CBR4: variants seen among roughly 807,000 people sequenced by gnomAD.
The protein encoded by CBR4 is carbonyl reductase 4.
CBR4 carries 22 observed loss-of-function variants against 21.0 expected under a neutral mutation model. The observed-to-expected ratio is 1.05, with a 90% CI of 0.75 to 1.50. CBR4 has a LOEUF of 1.50. Among genes scored for constraint, CBR4 ranks in the 40% most tolerant of loss-of-function variants. The pLI, the probability that CBR4 is intolerant of heterozygous loss-of-function variation, is 0.00. For synonymous variants in CBR4, 100 were observed against 104.4 expected, an observed-to-expected ratio of 0.96 and a Z score of 0.26; for missense variants, 302 against 286.3, an observed-to-expected ratio of 1.05 and a Z score of -0.40.
At position 169,007,688 on chromosome 4, in the gene CBR4, C is replaced by T; in HGVS notation, c.211G>A (p.Glu71Lys). 1 of 1,595,238 alleles carries T rather than the reference C, an allele frequency of 6.3e-7. No individual in the cohort carries two copies. Among genetic ancestry groups the T allele is most frequent in the Non-Finnish European group, 8.5e-7 (1 of 1,171,738 alleles). ...HDVQNTFEEL[E>K]KHLGRVNFLV... Reference sequence around the variant, plus strand: ...AAATTTACTCGACCTAAATGTTTCTCCAGCTCTTCAAATGTATTTTGAACA... The same window carrying T: ...AAATTTACTCGACCTAAATGTTTCTTCAGCTCTTCAAATGTATTTTGAACA... The change falls in exon 2 of 5, where the codon GAG becomes AAG. Residue 71 changes from glutamate to lysine, a missense_variant. By Grantham distance (56) the Glu-to-Lys change is moderately conservative. Transcript: ENST00000306193.
In CBR4 at chr4:168,989,088, T is replaced by C. The variant is rs1764794358; in HGVS notation, c.*1062A>G. The C allele has an allele frequency of 1.0e-6, 1 of 983,916 alleles. No homozygotes were observed. Among genetic ancestry groups the C allele is most frequent in the Non-Finnish European group, 1.2e-6 (1 of 828,620 alleles). 60.9% of individuals were successfully genotyped at this position (983,916 alleles called of 1,614,324 possible). A position where few individuals can be genotyped will look rare whatever the true frequency, so the allele number is the denominator to read the frequency against. On this transcript the variant is annotated 3_prime_UTR_variant, in exon 5 of 5. Transcript: ENST00000306193. ...TAAGACCAGTGCCTTCACTGCTTCT[T>C]GTAAAGACATTTAATTTAATGTTAT...
chr4:168,963,528 T>C (rs28666695), intron 2 of CBR4, among the ~76,000 whole-genome samples: 2,405 of 151,432 alleles, frequency 0.016, 55 homozygotes, highest in African/African-American at 0.04. Context: ...TAGAGTCCTA[T>C]GGTGTGATCT....
Position 168,989,997 on chromosome 4 carries a change from CTTTT to C in CBR4, c.*149_*152del, listed in dbSNP as rs1306401009. On this transcript the variant is annotated 3_prime_UTR_variant, in exon 5 of 5. Transcript: ENST00000306193. Reference sequence around the variant, plus strand: ...AAACCACAATTTGTCACACATTGTTCTTTTGAGACATATTTTTATAAAGACAGAA... The same window carrying C: ...AAACCACAATTTGTCACACATTGTTCGAGACATATTTTTATAAAGACAGAA... 4.8e-6 allele frequency: 6 copies of C among 1,246,930 alleles called. No individual in the cohort carries two copies. The East Asian group carries it at 2.0e-4, about 41-fold the overall frequency. The allele number at this position is 1,246,930 out of a possible 1,614,324, so 77.2% of individuals were successfully genotyped here.
chr4:169,009,850 G>A (rs1560997450), intron 1 of CBR4, 98 bp downstream of exon 1: 3 of 1,164,400 alleles, frequency 2.6e-6, no homozygotes, highest in Non-Finnish European at 2.4e-6. Context: ...AGTAACCCTA[G>A]AGCCCTAAAG....
At chr4:168,904,837 A>G (rs1757290524) in intron 2 of CBR4, among the ~76,000 whole-genome samples, 1 of 152,132 alleles carries the variant, frequency 6.6e-6, no homozygotes, top group African/African-American at 2.4e-5. Context: ...TTTTAATTAA[A>G]GTTTCTGGCC....
chr4:169,003,260 T>G (rs1323960440), intron 3 of CBR4, among the ~76,000 whole-genome samples: 1 of 152,212 alleles, frequency 6.6e-6, no homozygotes, highest in Non-Finnish European at 1.5e-5. Context: ...TCATGGCAGG[T>G]CAAAATACCA....
intron 2 of CBR4, among the ~76,000 whole-genome samples, chr4:168,977,889 C>A (rs1335716733): frequency 6.6e-6 from 1 of 150,382 alleles, no homozygotes; most frequent in African/African-American, 2.4e-5. Context: ...CATTTCTATT[C>A]TCACTATCCT....
At chr4:168,936,853 A>G (rs562678248) in intron 2 of CBR4, among the ~76,000 whole-genome samples, 15 of 152,344 alleles carry the variant, frequency 9.8e-5, no homozygotes, top group Non-Finnish European at 2.1e-4. Flanking sequence ...CCAAGTTGGA[A>G]AACACTCTTC....
chr4:169,009,898 G>A (rs752351353), intron 1 of CBR4, 50 bp downstream of exon 1: 3 of 1,540,102 alleles, frequency 1.9e-6, no homozygotes, highest in Non-Finnish European at 2.6e-6. Context: ...ATTTTCTTTA[G>A]GCGCCTGGAC....
At chr4:168,957,670 T>C (rs756700471) in intron 2 of CBR4, among the ~76,000 whole-genome samples, 2 of 152,220 alleles carry the variant, frequency 1.3e-5, no homozygotes, top group Non-Finnish European at 2.9e-5. Flanking sequence ...CTTTCTGCTA[T>C]GGTAGATTAG....
Position 168,989,356 on chromosome 4 carries a change from T to G in CBR4, c.*794A>C, listed in dbSNP as rs1764806264. The G allele has an allele frequency of 1.0e-6, 1 of 985,366 alleles. No homozygotes were observed. 61.0% of individuals were successfully genotyped at this position (985,366 alleles called of 1,614,324 possible). On this transcript the variant is annotated 3_prime_UTR_variant, in exon 5 of 5. Transcript: ENST00000306193. ...ATTAAAACCTTAAGGGCTAATCCTC[T>G]TCACTTATGAGAATTTCTCAAGAAT...
chr4:168,934,303 AAGCAAGCCAAAC>A (rs1763049961), intron 2 of CBR4, among the ~76,000 whole-genome samples: 1 of 139,330 alleles, frequency 7.2e-6, no homozygotes, highest in African/African-American at 2.5e-5. Flanking sequence ...AAAAAAAAAA[AAGCAAGCCAAAC>A]CCAAAATTAG....
intron 2 of CBR4, among the ~76,000 whole-genome samples, chr4:168,942,841 T>C (rs886777444): frequency 6.6e-6 from 1 of 151,892 alleles, no homozygotes; most frequent in Non-Finnish European, 1.5e-5. Context: ...AAAGAAGACA[T>C]AGAAATGACC....
chr4:168,993,279 A>C (rs1962681), intron 4 of CBR4, among the ~76,000 whole-genome samples: 104,501 of 150,202 alleles, frequency 0.7, 37,697 homozygotes, highest in East Asian at 0.96. Flanking sequence ...GGTGCGATCT[A>C]GGCTCACCGC....
In CBR4 at chr4:169,010,136, C is replaced by CCCTCCAGGTTCCCTCAGGCT; in HGVS notation, c.-48_-47insAGCCTGAGGGAACCTGGAGG. On this transcript the variant is annotated 5_prime_UTR_variant, in exon 1 of 5. Transcript: ENST00000306193. Reference sequence around the variant, plus strand: ...GAAAGAGGGTAGGGAGTGGGAGCCCCTCTCCAGGTTCCCTCAGGCTTTTAA... The same window carrying CCCTCCAGGTTCCCTCAGGCT: ...GAAAGAGGGTAGGGAGTGGGAGCCCCCCTCCAGGTTCCCTCAGGCTTCTCCAGGTTCCCTCAGGCTTTTAA... 1 of 1,503,966 alleles carries CCCTCCAGGTTCCCTCAGGCT rather than the reference C, an allele frequency of 6.6e-7. No individual in the cohort carries two copies. The highest frequency in any genetic ancestry group is 8.9e-7 in the Non-Finnish European group (1 of 1,117,550). 93.2% of individuals were successfully genotyped at this position (1,503,966 alleles called of 1,614,324 possible).
At chr4:168,895,103 G>T (rs1754823963) in intron 2 of CBR4, among the ~76,000 whole-genome samples, 1 of 152,196 alleles carries the variant, frequency 6.6e-6, no homozygotes, top group African/African-American at 2.4e-5. Flanking sequence ...CCCACATATG[G>T]CCGGGCACAG....
rs1209858120 is a variant in CBR4 at position 168,988,664 on chromosome 4, C to T, written c.*1486G>A. On this transcript the variant is annotated 3_prime_UTR_variant, in exon 5 of 5. Transcript: ENST00000306193. The stretch of plus-strand genomic sequence containing the variant: ...GCCTGATAAATTCTGTATATTACCA[C>T]GTCTTGCATTTAATAGACAATTTGT... 6 of 982,528 alleles carry T rather than the reference C, an allele frequency of 6.1e-6. No homozygotes were observed. The South Asian group carries it at 1.9e-4, about 31-fold the overall frequency. 60.9% of individuals were successfully genotyped at this position (982,528 alleles called of 1,614,324 possible).
intron 2 of CBR4, among the ~76,000 whole-genome samples, chr4:168,968,450 T>C (rs1578955057): frequency 6.6e-6 from 1 of 152,196 alleles, no homozygotes; most frequent in Non-Finnish European, 1.5e-5. Flanking sequence ...ACCATAAATG[T>C]ATACTTTTGT....
intron 2 of CBR4, among the ~76,000 whole-genome samples, chr4:168,971,436 A>ATTTTTTTTTTTTTTTTTTT (rs70961566): frequency 1.8e-5 from 2 of 114,118 alleles, no homozygotes; most frequent in Non-Finnish European, 3.5e-5. Context: ...TGCCCAGCTC[A>ATTTTTTTTTTTTTTTTTTT]TTTTTTTTTT....
Sources: gnomAD v4.1 joint callset for allele counts (sites outside exome capture counted in the v4.1 genomes callset) on GRCh38, gnomAD v4.1.1 for gene constraint, MANE v1.5 for transcripts, NCBI Gene and HGNC (gene_info 2026-07-23, HGNC 2026-07-21) for gene names.